The following CFAP61 variants were observed in gnomAD, a reference collection of about 807,000 sequenced individuals.
CFAP61 encodes cilia and flagella associated protein 61.
A neutral mutation model predicts 135.6 loss-of-function variants in CFAP61; 107 were observed. The observed-to-expected ratio is 0.79, with a 90% CI of 0.67 to 0.93. The LOEUF is 0.93. Among genes scored for constraint, CFAP61 ranks in the 40% least tolerant of loss-of-function variants. The probability of loss-of-function intolerance (pLI) is 0.00; values close to 1 mark genes in which losing one functional copy is unlikely to be tolerated. For missense variants in CFAP61, 1,507 were observed against 1,556.2 expected, an observed-to-expected ratio of 0.97 and a Z score of 0.53; for synonymous variants, 575 against 578.5, an observed-to-expected ratio of 0.99 and a Z score of 0.09.
intron 8 of CFAP61, among the ~76,000 whole-genome samples, chr20:20,122,233 A>G (rs1453650773): frequency 6.6e-6 from 1 of 151,966 alleles, no homozygotes; most frequent in African/African-American, 2.4e-5. Flanking sequence ...GGCTCACTGC[A>G]ACCTCTGCCT....
chr20:20,094,789 A>T (rs2047446895), intron 7 of CFAP61: 1 of 152,202 alleles, frequency 6.6e-6, no homozygotes, highest in Admixed American at 6.5e-5. Context: ...CAGAAACAAG[A>T]CTGTGAGCCG....
intron 21 of CFAP61, among the ~76,000 whole-genome samples, chr20:20,270,136 T>C (rs2053231177): frequency 6.6e-6 from 1 of 152,196 alleles, no homozygotes; most frequent in Non-Finnish European, 1.5e-5. Context: ...CATATAATTC[T>C]TGTTTCTCTG....
chr20:20,140,337 TC>T (rs904739814), intron 8 of CFAP61, among the ~76,000 whole-genome samples: 5 of 84,782 alleles, frequency 5.9e-5, no homozygotes, highest in African/African-American at 2.3e-4. Flanking sequence ...ATGCTATCCC[TC>T]CCACCTCCCC....
intron 25 of CFAP61, chr20:20,322,732 G>C (rs6046790): frequency 1.0e-5 from 10 of 985,020 alleles, no homozygotes; most frequent in African/African-American, 1.7e-5. Flanking sequence ...GTGGCCTCTC[G>C]AGAACAGAAG....
intron 13 of CFAP61, among the ~76,000 whole-genome samples, chr20:20,179,276 C>A (rs910916292): frequency 2.6e-5 from 4 of 152,124 alleles, no homozygotes; most frequent in Non-Finnish European, 5.9e-5. Context: ...ATCCCATTCA[C>A]AATTGCCACA....
chr20:20,192,518 C>T (rs996379561), intron 15 of CFAP61, among the ~76,000 whole-genome samples: 14 of 152,098 alleles, frequency 9.2e-5, no homozygotes, highest in Admixed American at 2.0e-4. Context: ...TCAAGGCAGC[C>T]TCTTCATGAT....
chr20:20,267,135 G>A (rs1433197840), intron 21 of CFAP61, among the ~76,000 whole-genome samples: 1 of 152,188 alleles, frequency 6.6e-6, no homozygotes, highest in African/African-American at 2.4e-5. Flanking sequence ...AGGCTGTGAA[G>A]TTTGGAGAAG....
chr20:20,181,016 G>A (rs749630937), intron 13 of CFAP61, among the ~76,000 whole-genome samples: 6 of 151,958 alleles, frequency 3.9e-5, no homozygotes, highest in Non-Finnish European at 8.8e-5. Flanking sequence ...AGGGTGGAGG[G>A]TGGGAGGAGG....
chr20:20,335,543 G>A (rs939958298), intron 25 of CFAP61, among the ~76,000 whole-genome samples: 23 of 152,196 alleles, frequency 1.5e-4, no homozygotes, highest in Admixed American at 6.5e-5. Flanking sequence ...GAAGAAAGGA[G>A]ATGAGTCCTC....
intron 18 of CFAP61, among the ~76,000 whole-genome samples, chr20:20,233,650 A>G (rs2049341186): frequency 1.3e-5 from 2 of 152,232 alleles, no homozygotes; most frequent in Admixed American, 1.3e-4. Context: ...TTCTGCCACC[A>G]GAGAATAAGG....
intron 7 of CFAP61, chr20:20,094,715 A>AAGC (rs903744517): frequency 1.3e-5 from 2 of 152,374 alleles, no homozygotes; most frequent in African/African-American, 4.8e-5. Flanking sequence ...GTGCTGCCTC[A>AAGC]AGCATCAGAG....
intron 20 of CFAP61, chr20:20,253,188 T>TC: frequency 6.8e-6 from 1 of 146,682 alleles, no homozygotes; most frequent in African/African-American, 2.5e-5. Context: ...CTTCCTTCTT[T>TC]TTTCCTTCCT....
chr20:20,090,740 C>A, intron 6 of CFAP61, 104 bp from the exon 7 acceptor site: 4 of 1,015,538 alleles, frequency 3.9e-6, no homozygotes, highest in Non-Finnish European at 5.9e-6. Context: ...ATGAGTGTTG[C>A]TCTAGCCCCG....
intron 13 of CFAP61, among the ~76,000 whole-genome samples, chr20:20,187,374 T>C (rs1457192221): frequency 6.6e-6 from 1 of 152,170 alleles, no homozygotes; most frequent in African/African-American, 2.4e-5. Context: ...GGAGAGACTG[T>C]GGGGATCACA....
intron 25 of CFAP61, among the ~76,000 whole-genome samples, chr20:20,333,793 A>G (rs908161385): frequency 1.8e-4 from 28 of 152,220 alleles, no homozygotes; most frequent in African/African-American, 6.3e-4. Flanking sequence ...CGTCCAGAGC[A>G]AATGTGACCT....
At chr20:20,159,262 G>C (rs2053201636) in intron 9 of CFAP61, 108 bp from the exon 10 acceptor site, 1 of 966,372 alleles carries the variant, frequency 1.0e-6, no homozygotes, top group East Asian at 2.4e-5. Flanking sequence ...CACAAGGCCA[G>C]TAAGCTGTAG....
intron 8 of CFAP61, among the ~76,000 whole-genome samples, chr20:20,122,822 T>C (rs2049768192): frequency 6.7e-6 from 1 of 149,034 alleles, no homozygotes; most frequent in African/African-American, 2.6e-5. Context: ...TACTTTTAGT[T>C]CTTCAAGAAA....
chr20:20,266,684 A>T (rs1258347800), intron 21 of CFAP61, among the ~76,000 whole-genome samples: 2 of 152,240 alleles, frequency 1.3e-5, no homozygotes, highest in African/African-American at 4.8e-5. Context: ...TGCTGGCTAC[A>T]CAGGATGAGT....
chr20:20,278,722 A>G (rs1271041701), intron 22 of CFAP61, among the ~76,000 whole-genome samples: 1 of 152,208 alleles, frequency 6.6e-6, no homozygotes, highest in African/African-American at 2.4e-5. Context: ...CCCAGAACTC[A>G]AAGGACAGGG....
Sources: gnomAD v4.1 joint callset for allele counts (sites outside exome capture counted in the v4.1 genomes callset) on GRCh38, gnomAD v4.1.1 for gene constraint, MANE v1.5 for transcripts, NCBI Gene and HGNC (gene_info 2026-07-23, HGNC 2026-07-21) for gene names.